The following CD44 variants were observed in gnomAD, a reference collection of about 807,000 sequenced individuals.
The protein encoded by CD44 is CD44 molecule (IN blood group).
In CD44, 49 loss-of-function variants were observed where a neutral mutation model predicts 88.8. The observed-to-expected ratio is 0.55, with a 90% CI of 0.44 to 0.70. CD44 has a LOEUF of 0.70. CD44 is among the 30% of genes least tolerant of loss of function. The probability of loss-of-function intolerance (pLI) is 0.00; values close to 1 mark genes in which losing one functional copy is unlikely to be tolerated. For missense variants in CD44, 883 were observed against 913.8 expected (o/e 0.97, Z 0.43); for synonymous variants, 325 against 312.3 (o/e 1.04, Z -0.43).
intron 7 of CD44, among the ~76,000 whole-genome samples, chr11:35,200,363 T>C (rs11033024): frequency 0.13 from 19,406 of 152,164 alleles, 1,534 homozygotes; most frequent in Admixed American, 0.21. Context: ...TGCTGGTGGA[T>C]GTACGCCTCT....
At chr11:35,202,110 T>C (rs985147486) in intron 9 of CD44, among the ~76,000 whole-genome samples, 2 of 152,220 alleles carry the variant, frequency 1.3e-5, no homozygotes, top group Non-Finnish European at 1.5e-5. Context: ...TGTGTTCTTT[T>C]GGTGCTTAGT....
rs569051352 is a variant in CD44 at position 35,172,626 on chromosome 11, T to C, written c.68-3949T>C. On this transcript the variant is annotated intron_variant, in intron 1 of 17. Transcript: ENST00000428726. ...AAGTTATCTGTTTGTAAGCTGCTGATTTCTTTGGGACATTGTCCTGATGAA... is the reference window on the plus strand; with the variant it reads ...AAGTTATCTGTTTGTAAGCTGCTGACTTCTTTGGGACATTGTCCTGATGAA... 1.0e-3 allele frequency among the ~76,000 whole-genome samples: 157 copies of C among 152,330 alleles called. 1 individual carries two copies. Among genetic ancestry groups the C allele is most frequent in the Non-Finnish European group, 1.7e-3 (118 of 68,028 alleles).
chr11:35,145,965 T>C (rs1859066348), intron 1 of CD44, among the ~76,000 whole-genome samples: 1 of 152,030 alleles, frequency 6.6e-6, no homozygotes, highest in Admixed American at 6.6e-5. Context: ...ATGTCAGAAA[T>C]TACCCATAAC....
intron 1 of CD44, among the ~76,000 whole-genome samples, chr11:35,149,300 G>T (rs940459615): frequency 2.0e-5 from 3 of 152,188 alleles, no homozygotes; most frequent in Non-Finnish European, 2.9e-5. Flanking sequence ...ATAATCAGAT[G>T]CTTGGTGTGG....
At chr11:35,139,647 CA>C (rs1857507424) in intron 1 of CD44, 3 of 707,094 alleles carry the variant, frequency 4.2e-6, no homozygotes, top group South Asian at 4.1e-5. Flanking sequence ...GCTAGAGCTG[CA>C]GCACATGGCA....
chr11:35,228,283 T>C (rs1395218727), intron 17 of CD44, among the ~76,000 whole-genome samples: 1 of 152,190 alleles, frequency 6.6e-6, no homozygotes, highest in African/African-American at 2.4e-5. Context: ...GAATAATTTG[T>C]CTTATGTTAT....
chr11:35,163,861 G>A (rs1467688341), intron 1 of CD44, among the ~76,000 whole-genome samples: 1 of 152,088 alleles, frequency 6.6e-6, no homozygotes, highest in Non-Finnish European at 1.5e-5. Flanking sequence ...TTTGCATGTG[G>A]CCCCTGAGAA....
intron 3 of CD44, among the ~76,000 whole-genome samples, chr11:35,182,843 C>A (rs758770955): frequency 1.3e-5 from 2 of 152,122 alleles, no homozygotes; most frequent in African/African-American, 2.4e-5. Flanking sequence ...TAGTTGCATA[C>A]CCACATTGTC....
At position 35,139,381 on chromosome 11, in the gene CD44, G is replaced by A. The variant is rs1055827043; in HGVS notation, c.67+11G>A. 1.3e-6 allele frequency: 2 copies of A among 1,554,874 alleles called. No homozygotes were observed. The highest frequency in any genetic ancestry group is 2.4e-5 in the East Asian group (1 of 41,634). ...GCCTGGCGCAGATCGGTGAGTGCCCGCCGCAGCCTGGGCAGCAAGATGGGT... is the reference window on the plus strand; with the variant it reads ...GCCTGGCGCAGATCGGTGAGTGCCCACCGCAGCCTGGGCAGCAAGATGGGT... On this transcript the variant is annotated intron_variant, in intron 1 of 17. Transcript: ENST00000428726.
chr11:35,214,589 C>A, intron 14 of CD44: 1 of 348,404 alleles, frequency 2.9e-6, no homozygotes, highest in East Asian at 4.3e-5. Context: ...TTCTACAAAA[C>A]TTCCTGTGGT....
intron 1 of CD44, among the ~76,000 whole-genome samples, chr11:35,175,226 T>C (rs1261185163): frequency 1.3e-5 from 2 of 152,126 alleles, no homozygotes; most frequent in South Asian, 2.1e-4. Context: ...CAAGCTACTT[T>C]GAGGTTAGAG....
At chr11:35,203,001 G>T (rs985852816) in intron 9 of CD44, among the ~76,000 whole-genome samples, 2 of 152,168 alleles carry the variant, frequency 1.3e-5, no homozygotes, top group Non-Finnish European at 2.9e-5. Context: ...GTCAAAAGGT[G>T]GTGCTTGCGG....
chr11:35,182,260 A>T (rs550015026), intron 3 of CD44, among the ~76,000 whole-genome samples: 2 of 152,010 alleles, frequency 1.3e-5, no homozygotes, highest in East Asian at 1.9e-4. Context: ...TTTAGTCTAC[A>T]CCACCTACCC....
In CD44 at chr11:35,190,062, A is replaced by G. The variant is rs368370454; in HGVS notation, c.664A>G (p.Thr222Ala). The change falls in exon 5 of 18, where the codon ACC becomes GCC. Residue 222 changes from threonine (T) to alanine (A), a missense_variant. Physicochemically the swap from Thr to Ala is moderately conservative, Grantham distance 58. Around this residue, in one of 2 missense-constraint regions of CD44, gnomAD observed 252 missense variants for 322.9 expected, o/e 0.78. Transcript: ENST00000428726. ...CGACAGCACAGACAGAATCCCTGCT[A>G]CCAGTAAGGAGAATAAATCACTGTG... The part of the protein sequence containing the change: ...ITDSTDRIPA[T>A]TLMSTSATAT... 3.2e-5 allele frequency: 51 copies of G among 1,611,300 alleles called. No homozygotes were observed. The highest frequency in any genetic ancestry group is 5.0e-5 in the Admixed American group (3 of 59,996).
At chr11:35,201,318 G>T (rs965584090) in intron 8 of CD44, 123 bp downstream of exon 8, 1 of 721,974 alleles carries the variant, frequency 1.4e-6, no homozygotes, top group Non-Finnish European at 2.5e-6. Context: ...ATTCTTAGTG[G>T]ACTTTTATGA....
rs1343662850 is a variant in CD44 at position 35,139,275 on chromosome 11, G to T, written c.-29G>T. On this transcript the variant is annotated 5_prime_UTR_variant, in exon 1 of 18. Transcript: ENST00000428726. ...GCCCAGGGATCCTCCAGCTCCTTTC[G>T]CCCGCGCCCTCCGTTCGCTCCGGAC... 4 of 1,548,260 alleles carry T rather than the reference G, an allele frequency of 2.6e-6. No homozygotes were observed. The highest frequency in any genetic ancestry group is 2.6e-6 in the Non-Finnish European group (3 of 1,143,372).
chr11:35,213,556 G>A (rs1451433106), intron 14 of CD44: 1 of 152,224 alleles, frequency 6.6e-6, no homozygotes, highest in African/African-American at 2.4e-5. Flanking sequence ...GGAGACTAAG[G>A]CATGAAAATC....
intron 5 of CD44, among the ~76,000 whole-genome samples, chr11:35,196,527 A>G (rs1035658545): frequency 1.5e-5 from 1 of 67,680 alleles, no homozygotes; most frequent in African/African-American, 1.0e-4. Context: ...AGCATGAACC[A>G]GATGACATTT....
At chr11:35,206,342 C>A in intron 11 of CD44, 99 bp downstream of exon 11, 2 of 1,256,432 alleles carry the variant, frequency 1.6e-6, no homozygotes, top group Non-Finnish European at 1.1e-6. Context: ...TTAGACCAAA[C>A]TACTTTCCTG....
Sources: allele counts gnomAD v4.1 joint callset (sites outside exome capture counted in the v4.1 genomes callset), GRCh38; gene constraint gnomAD v4.1.1; regional missense constraint gnomAD v4.1.1; transcripts MANE v1.5; gene names NCBI Gene and HGNC (gene_info 2026-07-23, HGNC 2026-07-21).